Variants in INPP5F observed in about 807,000 individuals in gnomAD.
INPP5F encodes the protein inositol polyphosphate-5-phosphatase F, also known as phosphatidylinositide 4-phosphatase SAC2.
Under a neutral mutation model 137.2 loss-of-function variants are expected in INPP5F, and 97 were observed. The observed-to-expected ratio is 0.71, with a 90% CI of 0.60 to 0.84. The LOEUF (loss-of-function observed/expected upper bound fraction) is 0.84. Ranked by LOEUF, INPP5F falls within the 40% of genes least tolerant of loss-of-function variation. INPP5F has a pLI of 0.00. For synonymous variants in INPP5F, 504 were observed against 476.9 expected (o/e 1.06, Z -0.74); for missense variants, 1,271 against 1,371.9 (o/e 0.93, Z 1.16).
intron 1 of INPP5F, among the ~76,000 whole-genome samples, chr10:119,733,796 A>G (rs1231514625): frequency 6.6e-6 from 1 of 152,168 alleles, no homozygotes; most frequent in African/African-American, 2.4e-5. Context: ...ACCTGGCTGC[A>G]TTGGTTCAGG....
intron 1 of INPP5F, among the ~76,000 whole-genome samples, chr10:119,738,798 ATTG>A (rs1848292841): frequency 6.6e-6 from 1 of 151,928 alleles, no homozygotes; most frequent in South Asian, 2.1e-4. Flanking sequence ...GCCTTCCTCT[ATTG>A]TTTTGTGTTT....
Position 119,828,287 on chromosome 10 carries a change from TGAG to T in INPP5F, c.*511_*513del, listed in dbSNP as rs534250178. 5.7e-4 allele frequency: 87 copies of T among 153,640 alleles called. No individual in the cohort carries two copies. The highest frequency in any genetic ancestry group is 8.1e-4 in the Non-Finnish European group (56 of 68,962). The allele number at this position is 153,640 out of a possible 1,614,324, so 9.5% of individuals were successfully genotyped here. On this transcript the variant is annotated 3_prime_UTR_variant, in exon 20 of 20. Coordinates refer to ENST00000650623, the MANE Select transcript of INPP5F (RefSeq NM_014937.4). Reference sequence around the variant, plus strand: ...TAGTTTTGATGGCTTAACTGTTCCCTGAGGAGTTGAGGGTTATTGACACTAGAG... The same window carrying T: ...TAGTTTTGATGGCTTAACTGTTCCCTGAGTTGAGGGTTATTGACACTAGAG...
intron 2 of INPP5F, among the ~76,000 whole-genome samples, chr10:119,777,960 A>G (rs1849579604): frequency 6.6e-6 from 1 of 152,108 alleles, no homozygotes; most frequent in Admixed American, 6.6e-5. Context: ...GTACTTGGGG[A>G]ATAAATGAGG....
At chr10:119,819,745 T>C (rs758705343) in intron 15 of INPP5F, 5 of 394,190 alleles carry the variant, frequency 1.3e-5, no homozygotes, top group Non-Finnish European at 2.3e-5. Context: ...ACGTGCAAAT[T>C]GAGGTGAATT....
chr10:119,804,013 G>A (rs1353156760), intron 9 of INPP5F, among the ~76,000 whole-genome samples, 160 bp from the exon 10 acceptor site: 1 of 152,152 alleles, frequency 6.6e-6, no homozygotes, highest in Non-Finnish European at 1.5e-5. Flanking sequence ...AAAAATTGAT[G>A]TTTGAGTGGA....
intron 2 of INPP5F, among the ~76,000 whole-genome samples, chr10:119,775,949 T>C (rs547206598): frequency 4.6e-4 from 70 of 152,314 alleles, no homozygotes; most frequent in African/African-American, 1.5e-3. Context: ...GTGATACTTA[T>C]AGTAGATGTT....
At position 119,816,880 on chromosome 10, in the gene INPP5F, A is replaced by G. The variant is rs186504969; in HGVS notation, c.1887-3966A>G. Among the ~76,000 whole-genome samples, 18 of 152,328 alleles carry G rather than the reference A, an allele frequency of 1.2e-4. No individual in the cohort carries two copies. In the East Asian group the frequency reaches 3.1e-3, roughly 26 times the overall value. On this transcript the variant is annotated intron_variant, in intron 15 of 19. Transcript: ENST00000650623. ...ATATACCATATAATTCACCTATTTAAAATATATAATTCAGTGGTTTGTAGT... is the reference window on the plus strand; with the variant it reads ...ATATACCATATAATTCACCTATTTAGAATATATAATTCAGTGGTTTGTAGT...
In INPP5F at chr10:119,757,028, A is replaced by T. The variant is rs559475773; in HGVS notation, c.178+5872A>T. 2.6e-5 allele frequency among the ~76,000 whole-genome samples: 4 copies of T among 152,156 alleles called. No individual in the cohort carries two copies. In the South Asian group the frequency reaches 6.2e-4, roughly 24 times the overall value. Reference sequence around the variant, plus strand: ...TGTAGTCTGTCTTCCGACAACTCAAACGTGTCTGACTTTGGTTTGACCAGT... The same window carrying T: ...TGTAGTCTGTCTTCCGACAACTCAATCGTGTCTGACTTTGGTTTGACCAGT... On this transcript the variant is annotated intron_variant, in intron 2 of 19. Transcript: ENST00000650623.
At chr10:119,774,776 T>G (rs534093802) in intron 2 of INPP5F, among the ~76,000 whole-genome samples, 1 of 152,310 alleles carries the variant, frequency 6.6e-6, no homozygotes, top group African/African-American at 2.4e-5. Context: ...CTCCCATCTA[T>G]TAATATATTA....
chr10:119,806,229 A>G lies in INPP5F; in HGVS notation c.1320-131A>G, dbSNP rs1015294330. The G allele has an allele frequency of 4.5e-5, 25 of 552,716 alleles. 1 individual carries two copies. Among genetic ancestry groups the G allele is most frequent in the Non-Finnish European group, 6.6e-5 (21 of 319,272 alleles). The allele number at this position is 552,716 out of a possible 1,614,324, so 34.2% of individuals were successfully genotyped here. A position where few individuals can be genotyped will look rare whatever the true frequency, so the allele number is the denominator to read the frequency against. On this transcript the variant is annotated intron_variant, in intron 11 of 19. Transcript: ENST00000650623. The stretch of plus-strand genomic sequence containing the variant: ...ATGTCTATAAATGACTCAATAATGC[A>G]TAGCATATAAAGATACACCAAGCAA...
chr10:119,772,268 G>C (rs1172425105), intron 2 of INPP5F, among the ~76,000 whole-genome samples: 2 of 151,722 alleles, frequency 1.3e-5, no homozygotes, highest in East Asian at 3.9e-4. Context: ...GTTGCACAAG[G>C]GGAAAAGAAA....
At chr10:119,743,801 T>C (rs1848446194) in intron 1 of INPP5F, among the ~76,000 whole-genome samples, 1 of 152,174 alleles carries the variant, frequency 6.6e-6, no homozygotes, top group African/African-American at 2.4e-5. Flanking sequence ...CTAATGTGTT[T>C]CTTTCACAAT....
rs910028041 is a variant in INPP5F at position 119,769,852 on chromosome 10, A to G, written c.179-11783A>G. 3.3e-5 allele frequency among the ~76,000 whole-genome samples: 5 copies of G among 152,262 alleles called. No homozygotes were observed. The East Asian group carries it at 9.6e-4, about 29-fold the overall frequency. ...GCTTTTCTGGTTCTCCAGCTTGCAG[A>G]TGGCAGATTGTGGGACTTTTTGGCT... is the stretch of plus-strand genomic sequence containing the variant. On this transcript the variant is annotated intron_variant, in intron 2 of 19. Coordinates refer to ENST00000650623, the MANE Select transcript of INPP5F (RefSeq NM_014937.4).
chr10:119,731,331 TA>T lies in INPP5F; in HGVS notation c.97+4984del, dbSNP rs71482611. 5.5e-3 allele frequency among the ~76,000 whole-genome samples: 786 copies of T among 143,812 alleles called. 2 individuals are homozygous for T. The highest frequency in any genetic ancestry group is 0.013 in the African/African-American group (529 of 39,276). 94.3% of individuals were successfully genotyped at this position (143,812 alleles called of 152,430 possible). A position where few individuals can be genotyped will look rare whatever the true frequency, so the allele number is the denominator to read the frequency against. ...AGTTTTGTGGCATTTGGTATTTACT[TA>T]AAAAAAAAAAAGGATTTTGAACTTT... On this transcript the variant is annotated intron_variant, in intron 1 of 19. Transcript: ENST00000650623.
At chr10:119,795,786 C>T (rs1345650808) in intron 6 of INPP5F, among the ~76,000 whole-genome samples, 2 of 152,150 alleles carry the variant, frequency 1.3e-5, no homozygotes, top group Non-Finnish European at 2.9e-5. Context: ...AGCCTGGGCA[C>T]CATTGAGCAC....
At position 119,806,031 on chromosome 10, in the gene INPP5F, G is replaced by A. The variant is rs76708972; in HGVS notation, c.1320-329G>A. On this transcript the variant is annotated intron_variant, in intron 11 of 19. Coordinates refer to ENST00000650623, the MANE Select transcript of INPP5F (RefSeq NM_014937.4). Reference sequence around the variant, plus strand: ...TGCATTTCTACTTTAAAGGAACAACGGTGTTTTAAAGTGCCTTCTGTTTTT... The same window carrying A: ...TGCATTTCTACTTTAAAGGAACAACAGTGTTTTAAAGTGCCTTCTGTTTTT... Among the ~76,000 whole-genome samples the A allele has an allele frequency of 4.6e-4, 70 of 152,196 alleles. No individual in the cohort carries two copies. In the East Asian group the frequency reaches 0.011, roughly 25 times the overall value.
chr10:119,773,465 C>A (rs1326908550), intron 2 of INPP5F, among the ~76,000 whole-genome samples: 1 of 152,190 alleles, frequency 6.6e-6, no homozygotes, highest in Non-Finnish European at 1.5e-5. Context: ...AAATAGTGAA[C>A]ATACTACCCA....
chr10:119,778,946 A>G (rs1332361448), intron 2 of INPP5F, among the ~76,000 whole-genome samples: 1 of 152,104 alleles, frequency 6.6e-6, no homozygotes, highest in East Asian at 1.9e-4. Context: ...CTACTCAGAG[A>G]CCAGTCATTT....
At chr10:119,771,356 C>T (rs1226870499) in intron 2 of INPP5F, among the ~76,000 whole-genome samples, 1 of 151,958 alleles carries the variant, frequency 6.6e-6, no homozygotes, top group Non-Finnish European at 1.5e-5. Flanking sequence ...TTCCTTCATC[C>T]CTTGATGGAT....
Sources: allele counts gnomAD v4.1 joint callset (sites outside exome capture counted in the v4.1 genomes callset), GRCh38; gene constraint gnomAD v4.1.1; transcripts MANE v1.5; gene names NCBI Gene and HGNC (gene_info 2026-07-23, HGNC 2026-07-21).